Variants in IMMP2L observed in about 807,000 individuals in gnomAD.
IMMP2L encodes inner mitochondrial membrane peptidase subunit 2, also known as mitochondrial inner membrane protease subunit 2.
IMMP2L carries 18 observed loss-of-function variants against 19.3 expected under a neutral mutation model. The ratio of observed to expected loss-of-function variants is 0.93; its 90% confidence interval spans 0.64 to 1.38. IMMP2L has a LOEUF of 1.38. IMMP2L is among the 40% of genes most tolerant of loss of function. IMMP2L has a pLI of 0.00. For synonymous variants in IMMP2L, 76 were observed against 73.0 expected (o/e 1.04, Z -0.21); for missense variants, 233 against 218.2 (o/e 1.07, Z -0.43).
At chr7:111,101,901 T>C (rs1798021081) in intron 3 of IMMP2L, among the ~76,000 whole-genome samples, 3 of 151,632 alleles carry the variant, frequency 2.0e-5, no homozygotes, top group Non-Finnish European at 4.4e-5. Context: ...TGTAGAGTAC[T>C]AGGTTATGTA....
chr7:111,406,112 T>C (rs1833882139), intron 3 of IMMP2L, among the ~76,000 whole-genome samples: 4 of 152,138 alleles, frequency 2.6e-5, no homozygotes, highest in African/African-American at 4.8e-5. Context: ...GGATGTCTTA[T>C]AGGCATACAA....
At chr7:111,010,403 T>C (rs1824815107) in intron 3 of IMMP2L, among the ~76,000 whole-genome samples, 1 of 152,100 alleles carries the variant, frequency 6.6e-6, no homozygotes, top group Non-Finnish European at 1.5e-5. Flanking sequence ...TTTTAATGGT[T>C]TTCGTCATTC....
chr7:111,177,493 G>T (rs1267540991), intron 3 of IMMP2L, among the ~76,000 whole-genome samples: 3 of 151,890 alleles, frequency 2.0e-5, no homozygotes, highest in Admixed American at 6.6e-5. Flanking sequence ...CCCCACTTTT[G>T]AAAAATCGAT....
intron 3 of IMMP2L, among the ~76,000 whole-genome samples, chr7:111,134,175 T>C (rs1246102494): frequency 1.3e-5 from 2 of 152,068 alleles, no homozygotes; most frequent in Non-Finnish European, 2.9e-5. Context: ...TTAATGAGTA[T>C]ATAAACAGAT....
chr7:110,884,916 C>T (rs1810056562), intron 5 of IMMP2L, among the ~76,000 whole-genome samples: 1 of 151,844 alleles, frequency 6.6e-6, no homozygotes, highest in Non-Finnish European at 1.5e-5. Context: ...ATTATATATG[C>T]TTATCCAACT....
chr7:111,169,751 C>G (rs146883539), intron 3 of IMMP2L, among the ~76,000 whole-genome samples: 128 of 151,980 alleles, frequency 8.4e-4, no homozygotes, highest in African/African-American at 2.8e-3. Flanking sequence ...ATGTCACATT[C>G]ACAGGTACTG....
chr7:110,882,342 C>CCTT (rs1563050922), intron 5 of IMMP2L, among the ~76,000 whole-genome samples: 10 of 107,048 alleles, frequency 9.3e-5, no homozygotes, highest in East Asian at 2.4e-4. Context: ...CCTTCCTTCC[C>CCTT]TCCTTCCTCT....
At position 110,757,405 on chromosome 7, in the gene IMMP2L, G is replaced by A. The variant is rs58123656; in HGVS notation, c.409-93684C>T. Among the ~76,000 whole-genome samples, 5,619 of 152,064 alleles carry A rather than the reference G, an allele frequency of 0.037. 304 individuals are homozygous for A. The highest frequency in any genetic ancestry group is 0.12 in the African/African-American group (4,850 of 41,472). On this transcript the variant is annotated intron_variant, in intron 5 of 5. Transcript: ENST00000405709. This position sits in a 1 kb window ranked among gnomAD's most constrained non-coding sequence, Gnocchi z 4.2. ...TGACTCTGGTTGTAATTTTAAATAC[G>A]GTGGGCGAGGGAGGCCTGTATGTGA...
intron 5 of IMMP2L, among the ~76,000 whole-genome samples, chr7:110,729,265 C>G (rs533834918): frequency 6.6e-6 from 1 of 152,288 alleles, no homozygotes; most frequent in African/African-American, 2.4e-5. Flanking sequence ...AATTGACTCA[C>G]AGTTCTGCAT....
intron 3 of IMMP2L, among the ~76,000 whole-genome samples, chr7:111,059,931 A>G (rs1793867375): frequency 6.9e-6 from 1 of 145,942 alleles, no homozygotes; most frequent in Non-Finnish European, 1.5e-5. Flanking sequence ...GTGAAAAAAA[A>G]AAAAGAAAAA....
At chr7:110,967,787 T>A (rs78380560) in intron 3 of IMMP2L, among the ~76,000 whole-genome samples, 1 of 152,104 alleles carries the variant, frequency 6.6e-6, no homozygotes, top group African/African-American at 2.4e-5. Flanking sequence ...ATTATAATTT[T>A]AAAAATATAT....
At chr7:111,281,206 GA>G (rs1303656113) in intron 3 of IMMP2L, among the ~76,000 whole-genome samples, 132 of 40,340 alleles carry the variant, frequency 3.3e-3, no homozygotes, top group Middle Eastern at 0.01. Flanking sequence ...AAGAAAGAAA[GA>G]AAGAAAGAAA....
chr7:110,860,034 T>C (rs577330574), intron 5 of IMMP2L, among the ~76,000 whole-genome samples: 36 of 152,220 alleles, frequency 2.4e-4, no homozygotes, highest in African/African-American at 7.9e-4. Context: ...ACATGTGTCA[T>C]TGTTTAGTTT....
At chr7:110,951,197 T>C (rs1320822762) in intron 4 of IMMP2L, among the ~76,000 whole-genome samples, 1 of 151,898 alleles carries the variant, frequency 6.6e-6, no homozygotes, top group Admixed American at 6.6e-5. Flanking sequence ...GAGATCTCTG[T>C]ACAACATTGT....
At chr7:111,467,580 C>T (rs1465993730) in intron 3 of IMMP2L, among the ~76,000 whole-genome samples, 1 of 152,090 alleles carries the variant, frequency 6.6e-6, no homozygotes, top group Non-Finnish European at 1.5e-5. Flanking sequence ...GTCTAGACTT[C>T]CTCGGGATTA....
chr7:110,696,426 T>TC (rs72511287), intron 5 of IMMP2L, among the ~76,000 whole-genome samples: 33 of 19,454 alleles, frequency 1.7e-3, no homozygotes, highest in Non-Finnish European at 4.2e-3. Context: ...CCTTTTTCTC[T>TC]TTTTTTTTTT....
At chr7:110,666,106 A>T (rs1378819420) in intron 5 of IMMP2L, among the ~76,000 whole-genome samples, 2 of 151,996 alleles carry the variant, frequency 1.3e-5, no homozygotes, top group African/African-American at 4.8e-5. Context: ...CAAATGTCTT[A>T]AGTTTGGCCA....
At chr7:110,838,229 A>C (rs1378698033) in intron 5 of IMMP2L, among the ~76,000 whole-genome samples, 5 of 152,130 alleles carry the variant, frequency 3.3e-5, no homozygotes. Flanking sequence ...TTTATCTATA[A>C]ATAATATACA....
chr7:110,888,535 CG>C (rs1412126365), intron 4 of IMMP2L, among the ~76,000 whole-genome samples: 1 of 152,072 alleles, frequency 6.6e-6, no homozygotes, highest in Non-Finnish European at 1.5e-5. Flanking sequence ...TGCAGTGACA[CG>C]GTGAGTTTTA....
Sources: gnomAD v4.1 joint callset for allele counts (sites outside exome capture counted in the v4.1 genomes callset) on GRCh38, gnomAD v4.1.1 for gene constraint, Gnocchi (gnomAD v3.1) non-coding constraint, MANE v1.5 for transcripts, NCBI Gene and HGNC (gene_info 2026-07-23, HGNC 2026-07-21) for gene names.